SLC19A3: variants seen among roughly 807,000 people sequenced by gnomAD.
SLC19A3 encodes thiamine transporter 2.
Under a neutral mutation model 40.2 loss-of-function variants are expected in SLC19A3, and 31 were observed. The ratio of observed to expected loss-of-function variants is 0.77; its 90% confidence interval spans 0.58 to 1.04. The LOEUF is 1.04. SLC19A3 is among the 50% of genes least tolerant of loss of function. SLC19A3 has a pLI of 0.00. For synonymous variants in SLC19A3, 212 were observed against 227.5 expected (o/e 0.93, Z 0.61); for missense variants, 592 against 596.7 (o/e 0.99, Z 0.08).
rs73997326 is a variant in SLC19A3 at position 227,703,850 on chromosome 2, T to C, written c.-2-1530A>G. ...TCTAAATCCAGGTCATCATCTTCTCTGTGCATCTGAGACCTAGGACTATGC... is the reference window on the plus strand; with the variant it reads ...TCTAAATCCAGGTCATCATCTTCTCCGTGCATCTGAGACCTAGGACTATGC... On this transcript the variant is annotated intron_variant, in intron 1 of 5. Coordinates refer to ENST00000644224, the MANE Select transcript of SLC19A3 (RefSeq NM_025243.4). The surrounding 1 kb of genome is among the most constrained non-coding windows in gnomAD (Gnocchi z 4.7). Among the ~76,000 whole-genome samples the C allele has an allele frequency of 0.013, 1,959 of 152,308 alleles. 55 individuals carry two copies. The highest frequency in any genetic ancestry group is 0.044 in the African/African-American group (1,823 of 41,566).
At chr2:227,693,736 C>T (rs573081429) in intron 4 of SLC19A3, among the ~76,000 whole-genome samples, 12 of 152,064 alleles carry the variant, frequency 7.9e-5, no homozygotes, top group South Asian at 4.2e-4. Context: ...AATGGACAAA[C>T]GGGATCACAT....
intron 4 of SLC19A3, among the ~76,000 whole-genome samples, chr2:227,692,731 G>A (rs1263640589): frequency 6.6e-6 from 1 of 152,104 alleles, no homozygotes; most frequent in Non-Finnish European, 1.5e-5. Context: ...AGAAATAAAG[G>A]GCATCCACAT....
At chr2:227,690,879 A>G (rs1206075021) in intron 4 of SLC19A3, among the ~76,000 whole-genome samples, 1 of 152,096 alleles carries the variant, frequency 6.6e-6, no homozygotes, top group Non-Finnish European at 1.5e-5. Flanking sequence ...GAGAAAATCA[A>G]TAAAGAAACA....
chr2:227,714,805 C>CTTT lies in SLC19A3; in HGVS notation c.-3+3135_-3+3137dup, dbSNP rs869073195. ...TGAATAACACCTTTCCCTGACTATT[C>CTTT]TTTTTTTTTTTTTTTTTTTTTTTGA... On this transcript the variant is annotated intron_variant, in intron 1 of 5. Coordinates refer to ENST00000644224, the MANE Select transcript of SLC19A3 (RefSeq NM_025243.4). Among the ~76,000 whole-genome samples the CTTT allele has an allele frequency of 3.8e-3, 302 of 79,908 alleles. 8 individuals are homozygous for CTTT. Among genetic ancestry groups the CTTT allele is most frequent in the East Asian group, 0.014 (33 of 2,314 alleles). The allele number at this position is 79,908 out of a possible 152,430, so 52.4% of individuals were successfully genotyped here.
At chr2:227,697,608 CTTAAT>C (rs1305694323) in intron 3 of SLC19A3, among the ~76,000 whole-genome samples, 4 of 152,172 alleles carry the variant, frequency 2.6e-5, no homozygotes, top group African/African-American at 7.2e-5. Context: ...ATTTGGAATC[CTTAAT>C]TTATTTTCTA....
chr2:227,699,078 C>T lies in SLC19A3; in HGVS notation c.637G>A (p.Val213Met), dbSNP rs534012377. ...TGAGTTTCCTCTAATACTGGATTCA[C>T]GCTTGATGACTTCTTTATTTCTCTG... ...PSREIKKSSSVNPVLEETHEG... is the reference protein window; with the variant it reads ...PSREIKKSSSMNPVLEETHEG... Residue 213 changes from valine (V) to methionine (M), a missense_variant, in exon 3 of 6, where the codon GTG becomes ATG. By Grantham distance (21) the Val-to-Met change is conservative. Coordinates refer to ENST00000644224, the MANE Select transcript of SLC19A3 (RefSeq NM_025243.4). 6 of 1,614,190 alleles carry T rather than the reference C, an allele frequency of 3.7e-6. 1 individual carries two copies. The highest frequency in any genetic ancestry group is 3.3e-4 in the Middle Eastern group (2 of 6,062).
rs1334790576 is a variant in SLC19A3, at chr2:227,684,030, C to T, written c.*3367G>A. The T allele has an allele frequency of 1.3e-5, 2 of 152,208 alleles. No homozygotes were observed. Among genetic ancestry groups the T allele is most frequent in the African/African-American group, 4.8e-5 (2 of 41,442 alleles). The allele number at this position is 152,208 out of a possible 1,614,324, so 9.4% of individuals were successfully genotyped here. A position where few individuals can be genotyped will look rare whatever the true frequency, so the allele number is the denominator to read the frequency against. On this transcript the variant is annotated 3_prime_UTR_variant, in exon 6 of 6. Transcript: ENST00000644224. The stretch of plus-strand genomic sequence containing the variant: ...CCTAGGCTGGTTTTGAACTCCTGAA[C>T]TCAAGCAATCCACCTACCTCAGCCT...
intron 1 of SLC19A3, among the ~76,000 whole-genome samples, chr2:227,713,436 C>CT (rs1696215246): frequency 7.0e-6 from 1 of 143,722 alleles, no homozygotes; most frequent in South Asian, 2.2e-4. Context: ...GGGGGTGGGG[C>CT]TTTTCAAGAG....
At chr2:227,710,028 T>A (rs753559619) in intron 1 of SLC19A3, among the ~76,000 whole-genome samples, 7 of 152,042 alleles carry the variant, frequency 4.6e-5, no homozygotes, top group African/African-American at 9.7e-5. Context: ...GTAACCTAGA[T>A]CCCTTGCATG....
chr2:227,713,112 T>C (rs1696196512), intron 1 of SLC19A3, among the ~76,000 whole-genome samples: 1 of 152,114 alleles, frequency 6.6e-6, no homozygotes, highest in Admixed American at 6.5e-5. Flanking sequence ...TCATGTTAAA[T>C]CTTAATCCCA....
At chr2:227,688,088 G>A in intron 5 of SLC19A3, 78 bp downstream of exon 5, 1 of 1,495,396 alleles carries the variant, frequency 6.7e-7, no homozygotes, top group Non-Finnish European at 9.3e-7. Context: ...AGGAACTCAA[G>A]AAATTTAAAT....
intron 4 of SLC19A3, among the ~76,000 whole-genome samples, chr2:227,694,903 T>C (rs972469935): frequency 6.6e-6 from 1 of 151,184 alleles, no homozygotes; most frequent in East Asian, 2.0e-4. Context: ...AAAATGAAAA[T>C]TAAAAATTTA....
intron 1 of SLC19A3, among the ~76,000 whole-genome samples, chr2:227,713,709 C>T (rs1385839596): frequency 6.6e-6 from 1 of 151,814 alleles, no homozygotes; most frequent in African/African-American, 2.4e-5. Flanking sequence ...AAGCTCTTTT[C>T]TTTCTAAATT....
At chr2:227,704,610 C>A (rs1695857412) in intron 1 of SLC19A3, among the ~76,000 whole-genome samples, 1 of 151,898 alleles carries the variant, frequency 6.6e-6, no homozygotes, top group South Asian at 2.1e-4. Flanking sequence ...TTCCTCTTAC[C>A]CTCTGTTTGA....
chr2:227,709,764 G>T (rs1220202578), intron 1 of SLC19A3, among the ~76,000 whole-genome samples: 1 of 152,072 alleles, frequency 6.6e-6, no homozygotes, highest in Non-Finnish European at 1.5e-5. Flanking sequence ...CAAGATATTG[G>T]GTGGGTGGAA....
Position 227,684,759 on chromosome 2 carries a change from G to A in SLC19A3, c.*2638C>T, listed in dbSNP as rs375316628. The A allele has an allele frequency of 7.2e-5, 11 of 152,104 alleles. No homozygotes were observed. The highest frequency in any genetic ancestry group is 2.6e-4 in the African/African-American group (11 of 41,544). 9.4% of individuals were successfully genotyped at this position (152,104 alleles called of 1,614,324 possible). A position where few individuals can be genotyped will look rare whatever the true frequency, so the allele number is the denominator to read the frequency against. On this transcript the variant is annotated 3_prime_UTR_variant, in exon 6 of 6. Coordinates refer to ENST00000644224, the MANE Select transcript of SLC19A3 (RefSeq NM_025243.4). ...ACACTTTGGGAGACCGAGACGGGCGGATCACCTGAGACCAGGAGTTTGAAA... is the reference window on the plus strand; with the variant it reads ...ACACTTTGGGAGACCGAGACGGGCGAATCACCTGAGACCAGGAGTTTGAAA...
intron 1 of SLC19A3, among the ~76,000 whole-genome samples, chr2:227,710,354 G>C (rs1307942940): frequency 1.3e-5 from 2 of 152,112 alleles, no homozygotes; most frequent in Non-Finnish European, 2.9e-5. Context: ...TCAAACAGAA[G>C]AGCAATAAAT....
At chr2:227,711,911 G>C (rs1054675299) in intron 1 of SLC19A3, among the ~76,000 whole-genome samples, 3 of 151,802 alleles carry the variant, frequency 2.0e-5, no homozygotes, top group Admixed American at 6.6e-5. Flanking sequence ...TTACCCAGGC[G>C]TGGTGGCACA....
intron 2 of SLC19A3, chr2:227,701,222 GC>G: frequency 1.7e-6 from 1 of 583,606 alleles, no homozygotes; most frequent in Non-Finnish European, 2.7e-6. Flanking sequence ...TGCAGGCGAA[GC>G]CACACACTTT....
Sources: allele counts gnomAD v4.1 joint callset (sites outside exome capture counted in the v4.1 genomes callset), GRCh38; gene constraint gnomAD v4.1.1; non-coding constraint Gnocchi (gnomAD v3.1); transcripts MANE v1.5; gene names NCBI Gene and HGNC (gene_info 2026-07-23, HGNC 2026-07-21).